Variants in ZNF613 observed in about 807,000 individuals in gnomAD.
The protein encoded by ZNF613 is zinc finger protein 613.
In ZNF613, 8 loss-of-function variants were observed where a neutral mutation model predicts 14.3. The ratio of observed to expected loss-of-function variants is 0.56; its 90% CI spans 0.33 to 1.01. ZNF613 has a LOEUF of 1.01. ZNF613 is among the 50% of genes least tolerant of loss of function. The pLI is 0.03. For synonymous variants in ZNF613, 228 were observed against 254.5 expected, an observed-to-expected ratio of 0.90 and a Z score of 0.99; for missense variants, 656 against 741.9, an observed-to-expected ratio of 0.88 and a Z score of 1.35.
In ZNF613 at chr19:51,945,888, T is replaced by C. The variant is rs1328839873; in HGVS notation, c.*151T>C. The C allele has an allele frequency of 1.3e-6, 1 of 781,846 alleles. No homozygotes were observed. Among genetic ancestry groups the C allele is most frequent in the Non-Finnish European group, 2.0e-6 (1 of 499,346 alleles). The allele number at this position is 781,846 out of a possible 1,614,324, so 48.4% of individuals were successfully genotyped here. ...TAATAAGCATATACTCAGAGAAAAA[T>C]AGTATGAAGTGGAGACTGGGAAATT... On this transcript the variant is annotated 3_prime_UTR_variant, in exon 6 of 6. Transcript: ENST00000293471.
At chr19:51,928,986 A>G (rs887112483) in intron 1 of ZNF613, among the ~76,000 whole-genome samples, 3 of 152,212 alleles carry the variant, frequency 2.0e-5, no homozygotes, top group African/African-American at 7.2e-5. Context: ...GTATACACAC[A>G]CGTAAATATT....
In ZNF613 at chr19:51,945,287, G is replaced by A. The variant is rs756586391; in HGVS notation, c.1404G>A (p.Lys468=). ...CTECGKSCSH[K]SGLINHQRIH... ...AGTGTGGAAAATCCTGCTCACACAA[G>A]TCAGGTCTCATTAACCACCAGAGAA... Residue 468 remains lysine (K), a synonymous_variant, in exon 6 of 6, where the codon AAG becomes AAA. Coordinates refer to ENST00000293471, the MANE Select transcript of ZNF613 (RefSeq NM_001031721.4). The A allele has an allele frequency of 3.1e-6, 5 of 1,613,758 alleles. No homozygotes were observed. The highest frequency in any genetic ancestry group is 1.7e-5 in the Admixed American group (1 of 59,982).
Position 51,927,499 on chromosome 19 carries a change from T to G in ZNF613, c.-400T>G, listed in dbSNP as rs142937639. 6.6e-6 allele frequency: 1 copy of G among 151,632 alleles called. No individual in the cohort carries two copies. The highest frequency in any genetic ancestry group is 2.0e-4 in the East Asian group (1 of 5,110). 9.4% of individuals were successfully genotyped at this position (151,632 alleles called of 1,614,324 possible). ...CCAGAAGTGGAATAATTCAGGAAAG[T>G]GCAGGTTCTGGGAAGTCTCGGTGGG... On this transcript the variant is annotated 5_prime_UTR_variant, in exon 1 of 6. Transcript: ENST00000293471.
At chr19:51,929,311 G>T (rs2085245179) in intron 1 of ZNF613, among the ~76,000 whole-genome samples, 1 of 152,078 alleles carries the variant, frequency 6.6e-6, no homozygotes, top group African/African-American at 2.4e-5. Context: ...TATTTAGATA[G>T]AATTTTAAGA....
chr19:51,943,589 C>T (rs1599910315), intron 5 of ZNF613, among the ~76,000 whole-genome samples: 1 of 152,116 alleles, frequency 6.6e-6, no homozygotes, highest in Non-Finnish European at 1.5e-5. Context: ...TATAATTCTT[C>T]TATTTTATTA....
rs1201968051 is a variant in ZNF613, at chr19:51,944,395, A to C, written c.512A>C (p.Gln171Pro). The C allele has an allele frequency of 6.2e-7, 1 of 1,606,472 alleles. No homozygotes were observed. Among genetic ancestry groups the C allele is most frequent in the East Asian group, 2.2e-5 (1 of 44,662 alleles). Residue 171 changes from glutamine (Q) to proline (P), a missense_variant, in exon 6 of 6, where the codon CAA becomes CCA. Transcript: ENST00000293471. ...TCCTTCCTTCATGCCAAGCATGAACAATTTCATAATGAAATGAACTTCCCC... is the reference window on the plus strand; with the variant it reads ...TCCTTCCTTCATGCCAAGCATGAACCATTTCATAATGAAATGAACTTCCCC... The part of the protein sequence containing the change: ...GKSFLHAKHE[Q>P]FHNEMNFPEG...
At chr19:51,940,465 T>A in intron 4 of ZNF613, 130 bp downstream of exon 4, 1 of 1,531,964 alleles carries the variant, frequency 6.5e-7, no homozygotes, top group Non-Finnish European at 8.9e-7. Context: ...TGGCCCCAGA[T>A]AAAAGAGTGT....
At chr19:51,933,517 C>T (rs1441996179) in intron 2 of ZNF613, among the ~76,000 whole-genome samples, 1 of 152,172 alleles carries the variant, frequency 6.6e-6, no homozygotes, top group African/African-American at 2.4e-5. Context: ...GATCATGGCT[C>T]ACCACAGACT....
chr19:51,943,998 T>G (rs1214510645), intron 5 of ZNF613, 121 bp from the exon 6 acceptor site: 5 of 653,474 alleles, frequency 7.7e-6, no homozygotes, highest in Non-Finnish European at 9.3e-6. Context: ...TAGGCATATC[T>G]ACTTGGAGTT....
At chr19:51,939,187 GT>G (rs1272633136) in intron 3 of ZNF613, among the ~76,000 whole-genome samples, 3 of 151,744 alleles carry the variant, frequency 2.0e-5, no homozygotes, top group Non-Finnish European at 4.4e-5. Flanking sequence ...CTACTTACCA[GT>G]TCATTGACTA....
At chr19:51,940,808 GACAGAGCCT>G in intron 5 of ZNF613, 99 bp downstream of exon 5, 2 of 866,714 alleles carry the variant, frequency 2.3e-6, no homozygotes, top group African/African-American at 3.4e-5. Flanking sequence ...AGGCTGTGTG[GACAGAGCCT>G]CCATGTATCC....
intron 3 of ZNF613, among the ~76,000 whole-genome samples, chr19:51,936,934 A>G (rs2085309604): frequency 6.6e-6 from 1 of 152,176 alleles, no homozygotes. Context: ...CTGGAGATTG[A>G]GTTCAGTCAC....
At chr19:51,936,352 A>C in intron 3 of ZNF613, 117 bp downstream of exon 3, 1 of 1,053,390 alleles carries the variant, frequency 9.5e-7, no homozygotes, top group East Asian at 2.5e-5. Flanking sequence ...TTTGTGCATC[A>C]GTAAATTTAG....
chr19:51,943,236 G>A (rs1304194354), intron 5 of ZNF613, among the ~76,000 whole-genome samples: 1 of 152,154 alleles, frequency 6.6e-6, no homozygotes, highest in Non-Finnish European at 1.5e-5. Flanking sequence ...TCAGAATACA[G>A]GAGTCCCCTG....
chr19:51,941,134 G>C lies in ZNF613; in HGVS notation c.235+425G>C, dbSNP rs1296710314. On this transcript the variant is annotated intron_variant, in intron 5 of 5. Coordinates refer to ENST00000293471, the MANE Select transcript of ZNF613 (RefSeq NM_001031721.4). ...TTCAGTGGAGACGGGGTTTCACCAA[G>C]TTGACCAAGATGGTCTCAAACTCCT... Among the ~76,000 whole-genome samples, 4 of 152,288 alleles carry C rather than the reference G, an allele frequency of 2.6e-5. No homozygotes were observed. In the South Asian group the frequency reaches 8.3e-4, roughly 32 times the overall value.
Position 51,945,664 on chromosome 19 carries a change from G to C in ZNF613, c.1781G>C (p.Ser594Thr). Residue 594 changes from serine (S) to threonine (T), a missense_variant, in exon 6 of 6, where the codon AGC becomes ACC. Physicochemically the swap from Ser to Thr is moderately conservative, Grantham distance 58. Coordinates refer to ENST00000293471, the MANE Select transcript of ZNF613 (RefSeq NM_001031721.4). Reference protein sequence around the residue: ...SLTNSAFQAESKVAIVSQPVA... With the variant: ...SLTNSAFQAETKVAIVSQPVA... The stretch of plus-strand genomic sequence containing the variant: ...ACTAACAGTGCGTTCCAAGCAGAGA[G>C]CAAAGTAGCCATTGTGAGCCAGCCT... 6.2e-7 allele frequency: 1 copy of C among 1,614,162 alleles called. No individual in the cohort carries two copies. The highest frequency in any genetic ancestry group is 8.5e-7 in the Non-Finnish European group (1 of 1,180,026).
At chr19:51,942,700 A>ATTTTTTTTTTT (rs61519800) in intron 5 of ZNF613, 9 of 140,042 alleles carry the variant, frequency 6.4e-5, no homozygotes, top group Non-Finnish European at 1.1e-4. Flanking sequence ...TAATGACTTG[A>ATTTTTTTTTTT]TTTTTTTTTT....
chr19:51,930,434 G>A (rs2085255385), intron 2 of ZNF613, among the ~76,000 whole-genome samples: 1 of 152,034 alleles, frequency 6.6e-6, no homozygotes, highest in Admixed American at 6.6e-5. Context: ...GCTAATTTTT[G>A]TATTTTTGGT....
intron 3 of ZNF613, among the ~76,000 whole-genome samples, chr19:51,938,370 CAA>C (rs1020875991): frequency 2.3e-4 from 35 of 151,900 alleles, no homozygotes; most frequent in Non-Finnish European, 2.2e-4. Context: ...TTCCTGGGCT[CAA>C]GAGATCCTTC....
Sources: allele counts gnomAD v4.1 joint callset (sites outside exome capture counted in the v4.1 genomes callset), GRCh38; gene constraint gnomAD v4.1.1; transcripts MANE v1.5; gene names NCBI Gene and HGNC (gene_info 2026-07-23, HGNC 2026-07-21).